The following MTUS2 variants were observed in gnomAD, a reference collection of about 807,000 sequenced individuals.
MTUS2 encodes microtubule-associated tumor suppressor candidate 2.
Under a neutral mutation model 114.1 loss-of-function variants are expected in MTUS2, and 40 were observed. The observed-to-expected ratio is 0.35, with a 90% CI of 0.27 to 0.46. MTUS2 has a LOEUF of 0.46. MTUS2 is among the 20% of genes least tolerant of loss of function. MTUS2 has a pLI of 1.00. For missense variants in MTUS2, 1,679 were observed against 1,705.4 expected, an observed-to-expected ratio of 0.98 and a Z score of 0.27; for synonymous variants, 688 against 672.0, an observed-to-expected ratio of 1.02 and a Z score of -0.37.
chr13:29,211,916 C>T (rs1275411042), intron 5 of MTUS2, among the ~76,000 whole-genome samples: 1 of 152,132 alleles, frequency 6.6e-6, no homozygotes, highest in African/African-American at 2.4e-5. Flanking sequence ...TCTCCACAAG[C>T]TGCTCTGTCC....
At position 29,179,413 on chromosome 13, in the gene MTUS2, A is replaced by G. The variant is rs145827978; in HGVS notation, c.2644+78443A>G. Reference sequence around the variant, plus strand: ...ATTTTAGGAGATCAATTTCTTGCCTACATTTTTTCAAAAGAGGTTTCGAGG... The same window carrying G: ...ATTTTAGGAGATCAATTTCTTGCCTGCATTTTTTCAAAAGAGGTTTCGAGG... On this transcript the variant is annotated intron_variant, in intron 5 of 15. Transcript: ENST00000612955. Among the ~76,000 whole-genome samples the G allele has an allele frequency of 3.4e-3, 517 of 152,348 alleles. 4 individuals are homozygous for G. Among genetic ancestry groups the G allele is most frequent in the African/African-American group, 0.012 (491 of 41,598 alleles).
At chr13:29,212,792 C>G (rs140773236) in intron 5 of MTUS2, among the ~76,000 whole-genome samples, 2 of 152,374 alleles carry the variant, frequency 1.3e-5, no homozygotes, top group African/African-American at 4.8e-5. Flanking sequence ...CTATTGATAC[C>G]TGGATGCATT....
intron 2 of MTUS2, among the ~76,000 whole-genome samples, chr13:28,953,427 TG>T (rs1238883566): frequency 6.6e-6 from 1 of 152,176 alleles, no homozygotes; most frequent in Non-Finnish European, 1.5e-5. Context: ...GAGAATCTCT[TG>T]AAATCTGGAC....
At chr13:29,148,362 C>T (rs1566032901) in intron 5 of MTUS2, among the ~76,000 whole-genome samples, 1 of 145,830 alleles carries the variant, frequency 6.9e-6, no homozygotes, top group African/African-American at 2.6e-5. Flanking sequence ...TCCCTCTTCC[C>T]ACCTCCACCC....
intron 2 of MTUS2, among the ~76,000 whole-genome samples, chr13:28,857,284 A>G (rs1456751155): frequency 6.6e-6 from 1 of 152,246 alleles, no homozygotes; most frequent in African/African-American, 2.4e-5. Context: ...AAACTTGACC[A>G]TCCAACTAGT....
intron 2 of MTUS2, among the ~76,000 whole-genome samples, chr13:28,980,110 T>C (rs760432083): frequency 8.5e-5 from 13 of 152,212 alleles, no homozygotes; most frequent in Non-Finnish European, 1.5e-4. Flanking sequence ...GGAAGTCACT[T>C]TCCTGATACT....
chr13:29,322,684 G>A (rs1900304674), intron 6 of MTUS2, among the ~76,000 whole-genome samples: 1 of 152,164 alleles, frequency 6.6e-6, no homozygotes, highest in South Asian at 2.1e-4. Flanking sequence ...GCATGGTGAG[G>A]AGACCTTGCT....
chr13:29,083,682 A>G (rs571572121), intron 4 of MTUS2, among the ~76,000 whole-genome samples: 2 of 152,302 alleles, frequency 1.3e-5, no homozygotes, highest in Non-Finnish European at 2.9e-5. Flanking sequence ...TTGAGTTCTT[A>G]TATGAAGGAA....
chr13:28,979,179 C>T (rs1487275834), intron 2 of MTUS2, among the ~76,000 whole-genome samples: 3 of 152,154 alleles, frequency 2.0e-5, no homozygotes, highest in East Asian at 3.9e-4. Context: ...AAGTAGGTAG[C>T]GTGACCAGCC....
chr13:28,821,310 A>G (rs1410365265), intron 1 of MTUS2, among the ~76,000 whole-genome samples: 4 of 152,242 alleles, frequency 2.6e-5, no homozygotes, highest in Non-Finnish European at 5.9e-5. Context: ...GTCATTAGGT[A>G]TAATTGTAAA....
intron 8 of MTUS2, among the ~76,000 whole-genome samples, chr13:29,366,889 G>T (rs533268918): frequency 6.6e-6 from 1 of 151,994 alleles, no homozygotes; most frequent in South Asian, 2.1e-4. Context: ...TCTTATGTGG[G>T]CCTAAAACCA....
chr13:29,471,562 A>G (rs1356472505), intron 9 of MTUS2, among the ~76,000 whole-genome samples: 1 of 152,130 alleles, frequency 6.6e-6, no homozygotes, highest in Non-Finnish European at 1.5e-5. Flanking sequence ...CTGCTGCGGG[A>G]GACAGACAGG....
chr13:28,953,967 A>G (rs1025369296), intron 2 of MTUS2, among the ~76,000 whole-genome samples: 17 of 152,248 alleles, frequency 1.1e-4, no homozygotes, highest in African/African-American at 1.2e-4. Flanking sequence ...GGCTACTATA[A>G]TAAAATCAAT....
intron 2 of MTUS2, among the ~76,000 whole-genome samples, chr13:28,894,349 A>G (rs1320543820): frequency 1.1e-5 from 1 of 88,584 alleles, no homozygotes; most frequent in Non-Finnish European, 2.1e-5. Flanking sequence ...AGAGAGAGAG[A>G]GTGAGAGTGA....
chr13:29,343,008 C>T (rs962345752), intron 7 of MTUS2, among the ~76,000 whole-genome samples: 4 of 152,076 alleles, frequency 2.6e-5, no homozygotes, highest in Non-Finnish European at 4.4e-5. Context: ...TAGTATGAAA[C>T]CCACTTGATC....
intron 7 of MTUS2, among the ~76,000 whole-genome samples, chr13:29,332,184 G>A (rs1324990233): frequency 2.0e-5 from 3 of 152,134 alleles, no homozygotes; most frequent in South Asian, 2.1e-4. Context: ...GAATCCATCC[G>A]GTCCTGGGCC....
At chr13:29,457,863 C>T (rs1048773563) in intron 9 of MTUS2, among the ~76,000 whole-genome samples, 3 of 152,126 alleles carry the variant, frequency 2.0e-5, no homozygotes, top group African/African-American at 7.2e-5. Flanking sequence ...AAAAGTATCT[C>T]ATGATGGTTT....
At chr13:28,892,460 GAA>G (rs896152981) in intron 2 of MTUS2, among the ~76,000 whole-genome samples, 1 of 152,074 alleles carries the variant, frequency 6.6e-6, no homozygotes, top group African/African-American at 2.4e-5. Flanking sequence ...CATTCTAAAA[GAA>G]AAATGTTTTA....
chr13:29,337,582 TTTTA>T (rs1901135130), intron 7 of MTUS2, among the ~76,000 whole-genome samples: 1 of 145,058 alleles, frequency 6.9e-6, no homozygotes, highest in Non-Finnish European at 1.5e-5. Flanking sequence ...ACCAGAGCTG[TTTTA>T]TTTATTTTTT....
Sources: allele counts gnomAD v4.1 joint callset (sites outside exome capture counted in the v4.1 genomes callset), GRCh38; gene constraint gnomAD v4.1.1; transcripts MANE v1.5; gene names NCBI Gene and HGNC (gene_info 2026-07-23, HGNC 2026-07-21).